Variants in AHCYL2 observed in about 807,000 individuals in gnomAD.
AHCYL2 encodes S-adenosylhomocysteine hydrolase-like protein 2.
In AHCYL2, 28 loss-of-function variants were observed where a neutral mutation model predicts 81.4. The observed-to-expected ratio is 0.34, with a 90% CI of 0.25 to 0.47. The LOEUF (loss-of-function observed/expected upper bound fraction) is 0.47, where lower values mean the gene tolerates loss of function less well. Ranked by LOEUF, AHCYL2 falls within the 20% of genes least tolerant of loss-of-function variation. AHCYL2 has a pLI of 1.00. For synonymous variants in AHCYL2, 272 were observed against 290.2 expected (o/e 0.94, Z 0.64); for missense variants, 551 against 785.1 (o/e 0.70, Z 3.56).
intron 1 of AHCYL2, among the ~76,000 whole-genome samples, chr7:129,327,892 C>G (rs71577868): frequency 0.025 from 3,757 of 152,218 alleles, 80 homozygotes; most frequent in Admixed American, 0.058. Flanking sequence ...CTCCCAGGCT[C>G]AAGCGATCCT....
chr7:129,427,075 G>T lies in AHCYL2; in HGVS notation c.*30G>T. The T allele has an allele frequency of 6.3e-7, 1 of 1,590,400 alleles. No individual in the cohort carries two copies. The highest frequency in any genetic ancestry group is 1.1e-5 in the South Asian group (1 of 90,414). On this transcript the variant is annotated 3_prime_UTR_variant, in exon 17 of 17. Coordinates refer to ENST00000325006, the MANE Select transcript of AHCYL2 (RefSeq NM_015328.4). The surrounding 1 kb of genome is among the most constrained non-coding windows in gnomAD (Gnocchi z 5.5). ...CTGTAACTCAAACCAGAATTTTTAA[G>T]GAATAGAACTCCAAGCCTTTTCTCC...
Position 129,400,161 on chromosome 7 carries a change from AT to A in AHCYL2, c.824-128del, listed in dbSNP as rs201915361. 2.4e-3 allele frequency: 1,707 copies of A among 725,648 alleles called. 26 individuals are homozygous for A. The African/African-American group carries it at 0.027, about 12-fold the overall frequency. The allele number at this position is 725,648 out of a possible 1,614,324, so 45.0% of individuals were successfully genotyped here. ...TGAAGGCAACGCCAATCAGTGAAGA[AT>A]GTCAATCCAAGGAGTATAGCAGAAT... On this transcript the variant is annotated intron_variant, in intron 5 of 16. Coordinates refer to ENST00000325006, the MANE Select transcript of AHCYL2 (RefSeq NM_015328.4).
At chr7:129,339,916 CTTTTTTT>C (rs774989478) in intron 1 of AHCYL2, among the ~76,000 whole-genome samples, 1 of 104,544 alleles carries the variant, frequency 9.6e-6, no homozygotes, top group African/African-American at 4.0e-5. Context: ...TTCCTCTGCT[CTTTTTTT>C]TTTTTTTTTT....
At chr7:129,364,252 T>C (rs1794028303) in intron 1 of AHCYL2, among the ~76,000 whole-genome samples, 1 of 152,150 alleles carries the variant, frequency 6.6e-6, no homozygotes, top group Non-Finnish European at 1.5e-5. Flanking sequence ...GAATAGAATA[T>C]TAATTTTTTT....
In AHCYL2 at chr7:129,365,628, G is replaced by GTATATA. The variant is rs10526470; in HGVS notation, c.364-13998_364-13993dup. On this transcript the variant is annotated intron_variant, in intron 1 of 16. Coordinates refer to ENST00000325006, the MANE Select transcript of AHCYL2 (RefSeq NM_015328.4). ...TAATACAGTTTACCTGGAGGATAGA[G>GTATATA]TATATATATATATATATGGGTATGA... is the stretch of plus-strand genomic sequence containing the variant. 4.9e-4 allele frequency among the ~76,000 whole-genome samples: 61 copies of GTATATA among 124,348 alleles called. 3 individuals are homozygous for GTATATA. The South Asian group carries it at 0.01, about 21-fold the overall frequency. 81.6% of individuals were successfully genotyped at this position (124,348 alleles called of 152,430 possible).
chr7:129,403,677 C>G (rs1796141482), intron 7 of AHCYL2, among the ~76,000 whole-genome samples, 192 bp downstream of exon 7: 1 of 151,764 alleles, frequency 6.6e-6, no homozygotes, highest in Admixed American at 6.6e-5. Context: ...TCCTGGCTAA[C>G]ACGGTGAAAC....
chr7:129,413,634 G>T lies in AHCYL2; in HGVS notation c.1407G>T (p.Met469Ile), dbSNP rs761984853. 6.2e-7 allele frequency: 1 copy of T among 1,614,146 alleles called. No individual in the cohort carries two copies. ...TAACCAGAGAGCACTTGGACCGTATGAAGAATAGCTGCATCGTTTGTAACA... is the reference window on the plus strand; with the variant it reads ...TAACCAGAGAGCACTTGGACCGTATTAAGAATAGCTGCATCGTTTGTAACA... Reference protein sequence around the residue: ...NVVTREHLDRMKNSCIVCNMG... With the variant: ...NVVTREHLDRIKNSCIVCNMG... The change falls in exon 12 of 17, where the codon ATG becomes ATT. Residue 469 changes from methionine (M) to isoleucine (I), a missense_variant. Met to Ile is a conservative substitution (Grantham distance 10, BLOSUM62 1). Coordinates refer to ENST00000325006, the MANE Select transcript of AHCYL2 (RefSeq NM_015328.4).
chr7:129,302,556 GT>G (rs1476091962), intron 1 of AHCYL2, among the ~76,000 whole-genome samples: 5 of 152,060 alleles, frequency 3.3e-5, no homozygotes, highest in African/African-American at 1.2e-4. Flanking sequence ...TATTTTTAGG[GT>G]TTTTATCATG....
At chr7:129,291,054 G>T (rs1796832900) in intron 1 of AHCYL2, among the ~76,000 whole-genome samples, 1 of 151,964 alleles carries the variant, frequency 6.6e-6, no homozygotes. Flanking sequence ...ATAAAAAAAG[G>T]AGTAATTCAG....
intron 7 of AHCYL2, among the ~76,000 whole-genome samples, chr7:129,404,185 A>G (rs1207625611): frequency 6.6e-6 from 1 of 152,196 alleles, no homozygotes; most frequent in African/African-American, 2.4e-5. Context: ...CTAGGAATCT[A>G]GCAGTAGACA....
chr7:129,253,231 A>G (rs1334594277), intron 1 of AHCYL2, among the ~76,000 whole-genome samples: 1 of 151,974 alleles, frequency 6.6e-6, no homozygotes, highest in Non-Finnish European at 1.5e-5. Flanking sequence ...GGCAAAGGTG[A>G]TAGGTGTTTT....
At chr7:129,249,019 A>G (rs1314122200) in intron 1 of AHCYL2, among the ~76,000 whole-genome samples, 1 of 126,876 alleles carries the variant, frequency 7.9e-6, no homozygotes, top group African/African-American at 2.9e-5. Context: ...TTTTTTGGAG[A>G]CATAGTCTCA....
At chr7:129,350,060 A>G (rs750914125) in intron 1 of AHCYL2, among the ~76,000 whole-genome samples, 1 of 152,168 alleles carries the variant, frequency 6.6e-6, no homozygotes, top group Non-Finnish European at 1.5e-5. Flanking sequence ...TACTGTGGTC[A>G]TTTTTGCCTA....
chr7:129,353,048 C>T (rs768878628), intron 1 of AHCYL2, among the ~76,000 whole-genome samples: 3 of 147,908 alleles, frequency 2.0e-5, no homozygotes, highest in South Asian at 2.1e-4. Context: ...CGGGTTCAAG[C>T]GATTCTCCTG....
At chr7:129,377,717 CAAA>C in intron 1 of AHCYL2, 2 of 409,182 alleles carry the variant, frequency 4.9e-6, no homozygotes, top group Admixed American at 6.0e-5. Flanking sequence ...ACAGAGAAAA[CAAA>C]AAAGTTATTA....
At position 129,405,877 on chromosome 7, in the gene AHCYL2, T is replaced by C; in HGVS notation, c.1184T>C (p.Val395Ala). 1 of 1,613,740 alleles carries C rather than the reference T, an allele frequency of 6.2e-7. No homozygotes were observed. The highest frequency in any genetic ancestry group is 8.5e-7 in the Non-Finnish European group (1 of 1,179,846). The change falls in exon 9 of 17, where the codon GTG becomes GCG. Residue 395 changes from valine (V) to alanine (A), a missense_variant. By Grantham distance (64) the Val-to-Ala change is moderately conservative (BLOSUM62 0). Coordinates refer to ENST00000325006, the MANE Select transcript of AHCYL2 (RefSeq NM_015328.4). ...TTDMMFGGKQVVVCGYGEVGK... is the reference protein window; with the variant it reads ...TTDMMFGGKQAVVCGYGEVGK... The stretch of plus-strand genomic sequence containing the variant: ...GACATGATGTTTGGTGGAAAGCAAG[T>C]GGTAGTCTGTGGCTATGGAGAGGTG...
intron 1 of AHCYL2, among the ~76,000 whole-genome samples, chr7:129,301,292 T>G (rs1212954734): frequency 6.6e-6 from 1 of 152,262 alleles, no homozygotes; most frequent in East Asian, 1.9e-4. Context: ...TTGCAAATAC[T>G]TTCTCCCATT....
chr7:129,314,515 A>C (rs1399445599), intron 1 of AHCYL2, among the ~76,000 whole-genome samples: 2 of 152,152 alleles, frequency 1.3e-5, no homozygotes, highest in South Asian at 2.1e-4. Context: ...GCACCAATAG[A>C]TTCAGTTTCT....
Position 129,419,178 on chromosome 7 carries a change from G to C in AHCYL2, c.1462-3662G>C, listed in dbSNP as rs1402592374. 6.6e-6 allele frequency among the ~76,000 whole-genome samples: 1 copy of C among 152,140 alleles called. No individual in the cohort carries two copies. The highest frequency in any genetic ancestry group is 1.5e-5 in the Non-Finnish European group (1 of 68,030). The stretch of plus-strand genomic sequence containing the variant: ...TTTTTCTGAGAAATATGAATGCTGT[G>C]AATACTGAAGGATCTGGGATAGGGA... On this transcript the variant is annotated intron_variant, in intron 12 of 16. Transcript: ENST00000325006. This position sits in a 1 kb window ranked among gnomAD's most constrained non-coding sequence, Gnocchi z 4.7.
Sources: gnomAD v4.1 joint callset for allele counts (sites outside exome capture counted in the v4.1 genomes callset) on GRCh38, gnomAD v4.1.1 for gene constraint, Gnocchi (gnomAD v3.1) non-coding constraint, MANE v1.5 for transcripts, NCBI Gene and HGNC (gene_info 2026-07-23, HGNC 2026-07-21) for gene names.